CSF3R: variants seen among roughly 807,000 people sequenced by gnomAD.
CSF3R encodes the protein granulocyte colony-stimulating factor receptor.
In CSF3R, 52 loss-of-function variants were observed where a neutral mutation model predicts 84.4. That is an observed-to-expected ratio of 0.62 (90% CI 0.49 to 0.78). The LOEUF is 0.78. Among genes scored for constraint, CSF3R ranks in the 30% least tolerant of loss-of-function variants. The pLI, the probability that CSF3R is intolerant of heterozygous loss-of-function variation, is 0.00. For missense variants in CSF3R, 890 were observed against 1,055.7 expected (o/e 0.84, Z 2.17); for synonymous variants, 384 against 429.1 (o/e 0.89, Z 1.30).
intron 2 of CSF3R, among the ~76,000 whole-genome samples, chr1:36,481,234 C>T (rs1400031958): frequency 1.3e-5 from 2 of 152,206 alleles, no homozygotes; most frequent in African/African-American, 4.8e-5. Context: ...CCACTGGCTC[C>T]TGTCCAGAGT....
At position 36,468,358 on chromosome 1, in the gene CSF3R, T is replaced by C. The variant is rs1650484966; in HGVS notation, c.1577-137A>G. ...GGGACTCATGCCCAAGCCTCATTTT[T>C]CCCAGGGATTTAATCCAGATTCCAT... is the stretch of plus-strand genomic sequence containing the variant. On this transcript the variant is annotated intron_variant, in intron 12 of 16. Coordinates refer to ENST00000373106, the MANE Select transcript of CSF3R (RefSeq NM_000760.4). 7.9e-6 allele frequency: 7 copies of C among 884,390 alleles called. No homozygotes were observed. In the South Asian group the frequency reaches 9.8e-5, roughly 12 times the overall value. The allele number at this position is 884,390 out of a possible 1,614,324, so 54.8% of individuals were successfully genotyped here. A position where few individuals can be genotyped will look rare whatever the true frequency, so the allele number is the denominator to read the frequency against.
At chr1:36,478,980 C>T (rs1651352194) in intron 3 of CSF3R, 2 of 293,042 alleles carry the variant, frequency 6.8e-6, no homozygotes, top group Non-Finnish European at 1.3e-5. Context: ...TCAATCCTGG[C>T]TTTAGCTTGC....
At position 36,467,112 on chromosome 1, in the gene CSF3R, G is replaced by T. The variant is rs1650372505; in HGVS notation, c.2040+118C>A. The T allele has an allele frequency of 3.0e-6, 4 of 1,314,976 alleles. No individual in the cohort carries two copies. In the Admixed American group the frequency reaches 7.2e-5, roughly 24 times the overall value. The allele number at this position is 1,314,976 out of a possible 1,614,324, so 81.5% of individuals were successfully genotyped here. A position where few individuals can be genotyped will look rare whatever the true frequency, so the allele number is the denominator to read the frequency against. On this transcript the variant is annotated intron_variant, in intron 16 of 16. Transcript: ENST00000373106. The surrounding 1 kb of genome is among the most constrained non-coding windows in gnomAD (Gnocchi z 4.1). ...AAGTTGGGTCTGCTTCAGTCCAAAGGGACGAGATGTTGCCGGAAGTGACAG... is the reference window on the plus strand; with the variant it reads ...AAGTTGGGTCTGCTTCAGTCCAAAGTGACGAGATGTTGCCGGAAGTGACAG...
In CSF3R at chr1:36,472,847, T is replaced by C; in HGVS notation, c.674-161A>G. On this transcript the variant is annotated intron_variant, in intron 6 of 16. Transcript: ENST00000373106. The surrounding 1 kb of genome is among the most constrained non-coding windows in gnomAD (Gnocchi z 5.0). ...ATGTGTCTTTGTTTCTCTCTAGGTC[T>C]CTGTTTCCGCTCTTGCCCCAGGGCC... 1.1e-6 allele frequency: 1 copy of C among 878,876 alleles called. No homozygotes were observed. The highest frequency in any genetic ancestry group is 1.7e-6 in the Non-Finnish European group (1 of 597,414). The allele number at this position is 878,876 out of a possible 1,614,324, so 54.4% of individuals were successfully genotyped here. A position where few individuals can be genotyped will look rare whatever the true frequency, so the allele number is the denominator to read the frequency against.
rs1557592713 is a variant in CSF3R at position 36,472,035 on chromosome 1, A to C, written c.1071+31T>G. 6.2e-7 allele frequency: 1 copy of C among 1,608,266 alleles called. No homozygotes were observed. Among genetic ancestry groups the C allele is most frequent in the Non-Finnish European group, 8.5e-7 (1 of 1,176,888 alleles). On this transcript the variant is annotated intron_variant, in intron 9 of 16. Coordinates refer to ENST00000373106, the MANE Select transcript of CSF3R (RefSeq NM_000760.4). This position sits in a 1 kb window ranked among gnomAD's most constrained non-coding sequence, Gnocchi z 5.0. ...TCTGTTTGGACTGCGGGAGGTGTCG[A>C]GGTGGAGGGATGGCCTTCAGAGGGA...
Position 36,473,565 on chromosome 1 carries a change from G to T in CSF3R, c.543C>A (p.Asp181Glu). 1 of 1,614,186 alleles carries T rather than the reference G, an allele frequency of 6.2e-7. No homozygotes were observed. The highest frequency in any genetic ancestry group is 1.1e-5 in the South Asian group (1 of 91,090). The change falls in exon 6 of 17, where the codon GAC becomes GAA. Residue 181 changes from aspartate (D) to glutamate (E), a missense_variant. Physicochemically the swap from Asp to Glu is conservative, Grantham distance 45. Transcript: ENST00000373106. ...GTGGGATGCAGCAGTGGCTCTGCCC[G>T]TCCTTGGGCACGCAGTCCAGGATGG... Reference protein sequence around the residue: ...GDSILDCVPKDGQSHCCIPRK... With the variant: ...GDSILDCVPKEGQSHCCIPRK...
Position 36,473,516 on chromosome 1 carries a change from T to G in CSF3R, c.592A>C (p.Asn198His). ...TCTGCCTGCACCCAGATGCCCATAT[T>G]CTGGTACAACAGCAGGTGTTTGCGT... Reference protein sequence around the residue: ...IPRKHLLLYQNMGIWVQAENA... With the variant: ...IPRKHLLLYQHMGIWVQAENA... Residue 198 changes from asparagine to histidine, a missense_variant, in exon 6 of 17, where the codon AAT becomes CAT. Asn to His is a moderately conservative substitution (Grantham distance 68, BLOSUM62 1). Coordinates refer to ENST00000373106, the MANE Select transcript of CSF3R (RefSeq NM_000760.4). 6.2e-7 allele frequency: 1 copy of G among 1,614,186 alleles called. No individual in the cohort carries two copies. Among genetic ancestry groups the G allele is most frequent in the Non-Finnish European group, 8.5e-7 (1 of 1,180,050 alleles).
At position 36,471,495 on chromosome 1, in the gene CSF3R, A is replaced by G; in HGVS notation, c.1223T>C (p.Leu408Pro). Residue 408 changes from leucine (L) to proline (P), a missense_variant, in exon 10 of 17, where the codon CTT becomes CCT. Leu to Pro is a moderately conservative substitution (Grantham distance 98). Coordinates refer to ENST00000373106, the MANE Select transcript of CSF3R (RefSeq NM_000760.4). ...GGTCCCGGCTGAGTTATAGGCCACA[A>G]GGGCCACCTCCTGGGCTTCTGAAGG... ...HLPSEAQEVA[L>P]VAYNSAGTSR... 4 of 1,614,202 alleles carry G rather than the reference A, an allele frequency of 2.5e-6. No homozygotes were observed. The highest frequency in any genetic ancestry group is 3.4e-6 in the Non-Finnish European group (4 of 1,180,022).
intron 12 of CSF3R, chr1:36,468,666 G>A (rs914402247): frequency 4.6e-6 from 1 of 216,298 alleles, no homozygotes; most frequent in Non-Finnish European, 9.4e-6. Flanking sequence ...AGCCTCTCAA[G>A]TAGCTGGGGT....
rs1422680872 is a variant in CSF3R at position 36,467,622 on chromosome 1, G to T, written c.1894C>A (p.Leu632Met). The change falls in exon 15 of 17, where the codon CTG becomes ATG. Residue 632 changes from leucine (L) to methionine (M), a missense_variant. Coordinates refer to ENST00000373106, the MANE Select transcript of CSF3R (RefSeq NM_000760.4). This position sits in a 1 kb window ranked among gnomAD's most constrained non-coding sequence, Gnocchi z 4.1. ...GTGAGCAACAGCAGGAGGCCGAACAGGCCCAGGATGATGTGTAGCTCCGAC... is the reference window on the plus strand; with the variant it reads ...GTGAGCAACAGCAGGAGGCCGAACATGCCCAGGATGATGTGTAGCTCCGAC... ...EGSELHIILG[L>M]FGLLLLLTCL... 2 of 1,614,100 alleles carry T rather than the reference G, an allele frequency of 1.2e-6. No individual in the cohort carries two copies. Among genetic ancestry groups the T allele is most frequent in the African/African-American group, 2.7e-5 (2 of 74,928 alleles).
At chr1:36,470,748 G>T (rs1394171492) in intron 10 of CSF3R, among the ~76,000 whole-genome samples, 1 of 152,230 alleles carries the variant, frequency 6.6e-6, no homozygotes, top group Non-Finnish European at 1.5e-5. Context: ...TCATAGACCA[G>T]GTTCCAAGTG....
At position 36,466,796 on chromosome 1, in the gene CSF3R, G is replaced by A. The variant is rs183614500; in HGVS notation, c.2072C>T (p.Pro691Leu). ...DAFQLPGLGT[P>L]PITKLTVLEE... ...CAGCACTGTGAGCTTGGTGATGGGT[G>A]GCGTGCCAAGGCCGGGCAGCTGGAA... The change falls in exon 17 of 17, where the codon CCA becomes CTA. Residue 691 changes from proline to leucine, a missense_variant. Transcript: ENST00000373106. The surrounding 1 kb of genome is among the most constrained non-coding windows in gnomAD (Gnocchi z 4.6). 6.6e-5 allele frequency: 107 copies of A among 1,614,204 alleles called. 1 individual carries two copies. The Admixed American group carries it at 9.0e-4, about 14-fold the overall frequency.
rs781413945 is a variant in CSF3R, at chr1:36,479,414, C to T, written c.64+19G>A. 2.1e-5 allele frequency: 34 copies of T among 1,613,788 alleles called. No individual in the cohort carries two copies. Among genetic ancestry groups the T allele is most frequent in the Non-Finnish European group, 2.8e-5 (33 of 1,179,624 alleles). On this transcript the variant is annotated intron_variant, in intron 3 of 16. Transcript: ENST00000373106. ...TAGCTTCCCCTCCCCACTGCACCCTCATCCTTGGCCATACTCACTTCCGGG... is the reference window on the plus strand; with the variant it reads ...TAGCTTCCCCTCCCCACTGCACCCTTATCCTTGGCCATACTCACTTCCGGG...
At position 36,472,691 on chromosome 1, in the gene CSF3R, A is replaced by G; in HGVS notation, c.674-5T>C. The G allele has an allele frequency of 6.3e-7, 1 of 1,592,164 alleles. No homozygotes were observed. On this transcript the variant is annotated splice_polypyrimidine_tract_variant and splice_region_variant and intron_variant, in intron 6 of 16. Coordinates refer to ENST00000373106, the MANE Select transcript of CSF3R (RefSeq NM_000760.4). This position sits in a 1 kb window ranked among gnomAD's most constrained non-coding sequence, Gnocchi z 5.0. Reference sequence around the variant, plus strand: ...GCATGGGGGGCTCCAGTTTCACTGCAAGGAGTGGGGCTGTCAGAAGGTCTC... The same window carrying G: ...GCATGGGGGGCTCCAGTTTCACTGCGAGGAGTGGGGCTGTCAGAAGGTCTC...
Position 36,466,809 on chromosome 1 carries a change from C to T in CSF3R, c.2059G>A (p.Gly687Ser), listed in dbSNP as rs201699446. ...TTGGTGATGGGTGGCGTGCCAAGGC[C>T]GGGCAGCTGGAAGGCATCCTGCACA... The part of the protein sequence containing the change: ...IMEEDAFQLP[G>S]LGTPPITKLT... Residue 687 changes from glycine to serine, a missense_variant, in exon 17 of 17, where the codon GGC becomes AGC. Gly to Ser is a moderately conservative substitution (Grantham distance 56). Transcript: ENST00000373106. The surrounding 1 kb of genome is among the most constrained non-coding windows in gnomAD (Gnocchi z 4.6). 5.3e-5 allele frequency: 85 copies of T among 1,614,036 alleles called. No individual in the cohort carries two copies. Among genetic ancestry groups the T allele is most frequent in the South Asian group, 7.7e-5 (7 of 91,086 alleles).
chr1:36,479,068 C>T, intron 3 of CSF3R: 1 of 363,762 alleles, frequency 2.7e-6, no homozygotes, highest in Non-Finnish European at 5.3e-6. Flanking sequence ...GCCTGGGCTT[C>T]TTTATTTCAG....
intron 9 of CSF3R, 188 bp from the exon 10 acceptor site, chr1:36,471,834 A>G: frequency 1.4e-6 from 1 of 690,926 alleles, no homozygotes; most frequent in Non-Finnish European, 2.4e-6. Flanking sequence ...AGGAAGAAAC[A>G]AGTTGGTGGA....
chr1:36,468,441 C>T, intron 12 of CSF3R: 1 of 473,430 alleles, frequency 2.1e-6, no homozygotes, highest in Non-Finnish European at 3.7e-6. Context: ...GACTCTAAAG[C>T]CTCACTTTCT....
At chr1:36,473,339 G>T in intron 6 of CSF3R, 96 bp downstream of exon 6, 1 of 1,399,476 alleles carries the variant, frequency 7.1e-7, no homozygotes, top group Non-Finnish European at 1.0e-6. Flanking sequence ...AGGTCTTCCA[G>T]TGTCTTCTTG....
Sources: gnomAD v4.1 joint callset for allele counts (sites outside exome capture counted in the v4.1 genomes callset) on GRCh38, gnomAD v4.1.1 for gene constraint, Gnocchi (gnomAD v3.1) non-coding constraint, MANE v1.5 for transcripts, NCBI Gene and HGNC (gene_info 2026-07-23, HGNC 2026-07-21) for gene names.